The following PIBF1 variants were observed in gnomAD, a reference collection of about 807,000 sequenced individuals.
The protein encoded by PIBF1 is progesterone immunomodulatory binding factor 1, also known as progesterone-induced-blocking factor 1.
Under a neutral mutation model 112.5 loss-of-function variants are expected in PIBF1, and 90 were observed. The observed-to-expected ratio is 0.80, with a 90% confidence interval of 0.67 to 0.95. PIBF1 has a LOEUF of 0.95. PIBF1 is among the 40% of genes least tolerant of loss of function. The pLI, the probability that PIBF1 is intolerant of heterozygous loss-of-function variation, is 0.00. For missense variants in PIBF1, 915 were observed against 852.3 expected (o/e 1.07, Z -0.92); for synonymous variants, 301 against 288.6 (o/e 1.04, Z -0.44).
intron 10 of PIBF1, among the ~76,000 whole-genome samples, chr13:72,872,857 C>A (rs1013903768): frequency 1.3e-5 from 2 of 152,022 alleles, no homozygotes; most frequent in East Asian, 1.9e-4. Context: ...AGAAAAACAT[C>A]AAATACTTAG....
chr13:72,983,249 AT>A (rs1436108179), intron 16 of PIBF1, among the ~76,000 whole-genome samples: 2 of 152,026 alleles, frequency 1.3e-5, no homozygotes, highest in African/African-American at 2.4e-5. Flanking sequence ...GCAGTGAGTC[AT>A]GATTGCACCA....
chr13:72,790,526 G>C (rs1041060142), intron 2 of PIBF1, among the ~76,000 whole-genome samples: 3 of 114,516 alleles, frequency 2.6e-5, no homozygotes, highest in Non-Finnish European at 6.4e-5. Context: ...TAGATAGATA[G>C]ATAGATAGAT....
intron 14 of PIBF1, among the ~76,000 whole-genome samples, chr13:72,935,196 G>A (rs955281323): frequency 5.9e-5 from 9 of 152,150 alleles, no homozygotes; most frequent in Non-Finnish European, 1.3e-4. Context: ...ATGTTGGCCA[G>A]GCTGGTCTCG....
At chr13:72,850,216 A>C (rs2038069017) in intron 9 of PIBF1, among the ~76,000 whole-genome samples, 1 of 152,186 alleles carries the variant, frequency 6.6e-6, no homozygotes, top group South Asian at 2.1e-4. Flanking sequence ...TCTTGGTAGA[A>C]GCCTTAGCTT....
At chr13:72,932,745 A>G (rs746009219) in intron 14 of PIBF1, among the ~76,000 whole-genome samples, 28 of 152,180 alleles carry the variant, frequency 1.8e-4, no homozygotes, top group Non-Finnish European at 3.7e-4. Context: ...TAAATTGACA[A>G]ATTTGATTGT....
intron 16 of PIBF1, among the ~76,000 whole-genome samples, chr13:72,986,676 C>CTTTTT (rs765529786): frequency 1.6e-4 from 14 of 89,032 alleles, no homozygotes; most frequent in South Asian, 4.3e-4. Context: ...TTTCTGTCAT[C>CTTTTT]TTTTTTTTTT....
At chr13:72,828,629 G>A (rs1236592711) in intron 8 of PIBF1, among the ~76,000 whole-genome samples, 5 of 152,094 alleles carry the variant, frequency 3.3e-5, no homozygotes, top group Admixed American at 6.5e-5. Context: ...TGGCTGCATA[G>A]CATATATATT....
chr13:72,927,124 C>T (rs1373235214), intron 13 of PIBF1, among the ~76,000 whole-genome samples: 1 of 151,116 alleles, frequency 6.6e-6, no homozygotes, highest in African/African-American at 2.4e-5. Context: ...TGCAGTGGCA[C>T]GATCTTGGCT....
chr13:72,884,671 G>C (rs1472879663), intron 10 of PIBF1: 3 of 151,902 alleles, frequency 2.0e-5, no homozygotes, highest in East Asian at 1.9e-4. Context: ...TAAATACCAA[G>C]GTATGTAGAC....
chr13:73,012,575 C>CA (rs59833416), intron 17 of PIBF1, among the ~76,000 whole-genome samples: 33,040 of 147,422 alleles, frequency 0.22, 4,065 homozygotes, highest in Non-Finnish European at 0.28. Context: ...ACACACACAC[C>CA]AAAAAAAACA....
chr13:72,929,662 A>G (rs1029804800), intron 13 of PIBF1, among the ~76,000 whole-genome samples: 6 of 152,078 alleles, frequency 3.9e-5, no homozygotes, highest in African/African-American at 1.4e-4. Flanking sequence ...GTAAAATTGT[A>G]TGTCAGTAAA....
intron 3 of PIBF1, among the ~76,000 whole-genome samples, chr13:72,794,498 C>T (rs974714512): frequency 1.3e-5 from 2 of 152,110 alleles, no homozygotes; most frequent in Non-Finnish European, 2.9e-5. Flanking sequence ...ACCCAAATCT[C>T]ATCTTGAATT....
chr13:72,790,508 CACATAGAT>C (rs1593887777), intron 2 of PIBF1, among the ~76,000 whole-genome samples: 4 of 132,320 alleles, frequency 3.0e-5, no homozygotes, highest in South Asian at 5.2e-4. Context: ...ATCACACACA[CACATAGAT>C]AGATAGATAG....
At chr13:72,975,976 G>T (rs375443380) in intron 16 of PIBF1, among the ~76,000 whole-genome samples, 3 of 152,096 alleles carry the variant, frequency 2.0e-5, no homozygotes, top group South Asian at 4.1e-4. Flanking sequence ...GATTTTAAGG[G>T]GATGTGCTAC....
intron 11 of PIBF1, 107 bp downstream of exon 11, chr13:72,894,056 A>AC (rs1156704026): frequency 1.7e-5 from 3 of 174,002 alleles, no homozygotes; most frequent in Non-Finnish European, 3.2e-5. Flanking sequence ...ACTATCCTGC[A>AC]CAAAAAAAAA....
intron 10 of PIBF1, among the ~76,000 whole-genome samples, chr13:72,886,811 T>C (rs1226241206): frequency 6.6e-6 from 1 of 152,054 alleles, no homozygotes; most frequent in East Asian, 1.9e-4. Context: ...ATGACAGATG[T>C]AGTATTGCAG....
chr13:73,012,711 T>A (rs1370590586), intron 17 of PIBF1, among the ~76,000 whole-genome samples: 1 of 151,894 alleles, frequency 6.6e-6, no homozygotes, highest in Non-Finnish European at 1.5e-5. Context: ...GCCATGATCA[T>A]GCCACTGCAC....
chr13:72,883,490 C>T (rs1242285995), intron 10 of PIBF1, among the ~76,000 whole-genome samples: 1 of 152,220 alleles, frequency 6.6e-6, no homozygotes, highest in South Asian at 2.1e-4. Flanking sequence ...TGGCTTTATA[C>T]TGGATCAGTG....
At chr13:72,843,552 T>C (rs2037704058) in intron 9 of PIBF1, among the ~76,000 whole-genome samples, 1 of 152,226 alleles carries the variant, frequency 6.6e-6, no homozygotes, top group South Asian at 2.1e-4. Flanking sequence ...GCTGGGATTA[T>C]AGGCATGTGC....
Sources: gnomAD v4.1 joint callset for allele counts (sites outside exome capture counted in the v4.1 genomes callset) on GRCh38, gnomAD v4.1.1 for gene constraint, MANE v1.5 for transcripts, NCBI Gene and HGNC (gene_info 2026-07-23, HGNC 2026-07-21) for gene names.